Variants in GRHL1 observed in about 807,000 individuals in gnomAD.
The protein encoded by GRHL1 is grainyhead-like protein 1 homolog.
GRHL1 carries 38 observed loss-of-function variants against 75.7 expected under a neutral mutation model. The observed-to-expected ratio is 0.50, with a 90% CI of 0.39 to 0.66. The LOEUF (loss-of-function observed/expected upper bound fraction) is 0.66. Ranked by LOEUF, GRHL1 falls within the 30% of genes least tolerant of loss-of-function variation. The pLI, the probability that GRHL1 is intolerant of heterozygous loss-of-function variation, is 0.00. For synonymous variants in GRHL1, 266 were observed against 279.4 expected (o/e 0.95, Z 0.48); for missense variants, 589 against 767.5 (o/e 0.77, Z 2.75).
intron 12 of GRHL1, 47 bp from the exon 13 acceptor site, chr2:9,995,832 C>T (rs772449633): frequency 1.9e-6 from 2 of 1,053,780 alleles, no homozygotes; most frequent in South Asian, 2.6e-5. Context: ...AATGTTGATG[C>T]AGCTGGTTAA....
At chr2:9,988,720 G>T (rs778150366) in intron 9 of GRHL1, among the ~76,000 whole-genome samples, 1 of 152,136 alleles carries the variant, frequency 6.6e-6, no homozygotes, top group African/African-American at 2.4e-5. Flanking sequence ...AGGACTTGCC[G>T]CGGGTTCCTG....
chr2:9,955,094 A>T lies in GRHL1; in HGVS notation c.200A>T (p.Tyr67Phe). ...GCTGCGCTGGGCCTGCTCTATGACT[A>T]CTACAAGGTGGGTTTGCCTGCCTTT... Reference protein sequence around the residue: ...SAAALGLLYDYYKVPRERRSS... With the variant: ...SAAALGLLYDFYKVPRERRSS... The change falls in exon 2 of 16, where the codon TAC (tyrosine) becomes TTC (phenylalanine). Residue 67 changes from tyrosine (Y) to phenylalanine (F), a missense_variant. Coordinates refer to ENST00000324907, the MANE Select transcript of GRHL1 (RefSeq NM_198182.3). The T allele has an allele frequency of 6.2e-7, 1 of 1,609,648 alleles. No individual in the cohort carries two copies.
chr2:9,982,109 C>A (rs1668220648), intron 8 of GRHL1, among the ~76,000 whole-genome samples: 1 of 152,156 alleles, frequency 6.6e-6, no homozygotes, highest in South Asian at 2.1e-4. Context: ...TAACCTAGAT[C>A]TTTCTTTTGA....
At chr2:9,962,679 C>A (rs1667326792) in intron 5 of GRHL1, 148 bp downstream of exon 5, 1 of 597,010 alleles carries the variant, frequency 1.7e-6, no homozygotes, top group Admixed American at 3.1e-5. Flanking sequence ...TAGAGGACAT[C>A]TGCTTCAGTG....
chr2:9,969,090 G>A (rs150089321), intron 8 of GRHL1, among the ~76,000 whole-genome samples: 81 of 152,300 alleles, frequency 5.3e-4, no homozygotes, highest in African/African-American at 1.6e-3. Context: ...AATGGACTGC[G>A]CATCTTGGCC....
intron 14 of GRHL1, among the ~76,000 whole-genome samples, chr2:9,997,233 G>A (rs370436231): frequency 3.9e-5 from 6 of 152,194 alleles, no homozygotes; most frequent in African/African-American, 1.2e-4. Flanking sequence ...GCTGAATGGA[G>A]TTTATTTTGT....
chr2:9,965,935 G>A (rs1179532854), intron 8 of GRHL1: 4 of 152,184 alleles, frequency 2.6e-5, no homozygotes, highest in East Asian at 1.9e-4. Context: ...CCTTGTGGGC[G>A]ACTCTAATGG....
At chr2:9,977,328 AT>A (rs1023667034) in intron 8 of GRHL1, among the ~76,000 whole-genome samples, 6 of 150,786 alleles carry the variant, frequency 4.0e-5, no homozygotes, top group African/African-American at 1.2e-4. Flanking sequence ...ACTGGAAGAA[AT>A]TTTTTTTTTC....
intron 7 of GRHL1, chr2:9,964,749 C>A: frequency 5.7e-6 from 1 of 175,448 alleles, no homozygotes; most frequent in Non-Finnish European, 1.2e-5. Context: ...GCCTAACAGT[C>A]TTCCCTAGTC....
chr2:9,964,243 C>T lies in GRHL1; in HGVS notation c.912C>T (p.Ile304=), dbSNP rs761844127. ...TGCATTCTCTTTCACAGAGTGTGAT[C>T]ATGGTGGTTTTTGCTGAAGACAAAA... ...HHPISKVRSV[I]MVVFAEDKSR... is the part of the protein sequence containing the mutation. The change falls in exon 7 of 16, where the codon ATC becomes ATT. Residue 304 remains isoleucine, a synonymous_variant. Coordinates refer to ENST00000324907, the MANE Select transcript of GRHL1 (RefSeq NM_198182.3). The T allele has an allele frequency of 1.9e-6, 3 of 1,598,008 alleles. No individual in the cohort carries two copies. The South Asian group carries it at 3.3e-5, about 18-fold the overall frequency.
chr2:9,984,910 AT>A (rs1174114371), intron 8 of GRHL1, among the ~76,000 whole-genome samples: 1 of 151,382 alleles, frequency 6.6e-6, no homozygotes, highest in East Asian at 1.9e-4. Context: ...AAAAAAAAAA[AT>A]ACAAAAATTA....
intron 1 of GRHL1, 30 bp from the exon 2 acceptor site, chr2:9,954,885 G>GT: frequency 3.2e-6 from 5 of 1,579,290 alleles, no homozygotes; most frequent in Non-Finnish European, 4.3e-6. Context: ...AAAAGTGTGT[G>GT]TTTTTGTTTT....
chr2:9,961,496 A>G lies in GRHL1; in HGVS notation c.669+60A>G. ...CGTGTTTGTATAAGTATTGGGTTCC[A>G]CCTTTTCCTTGTTATGTAAGCATGA... On this transcript the variant is annotated intron_variant, in intron 4 of 15. Transcript: ENST00000324907. The G allele has an allele frequency of 1.4e-6, 2 of 1,452,960 alleles. 1 individual carries two copies. Among genetic ancestry groups the G allele is most frequent in the South Asian group, 2.7e-5 (2 of 73,050 alleles). 90.0% of individuals were successfully genotyped at this position (1,452,960 alleles called of 1,614,324 possible).
intron 8 of GRHL1, among the ~76,000 whole-genome samples, chr2:9,984,150 A>G (rs2125234209): frequency 6.6e-6 from 1 of 151,628 alleles, no homozygotes. Flanking sequence ...CAACAAGAGC[A>G]AAACTTCATC....
At chr2:9,970,608 T>C (rs1667685831) in intron 8 of GRHL1, among the ~76,000 whole-genome samples, 1 of 152,194 alleles carries the variant, frequency 6.6e-6, no homozygotes, top group Non-Finnish European at 1.5e-5. Flanking sequence ...TTTTGTCTCT[T>C]CCCAGTTCAG....
At chr2:9,996,456 G>C (rs970124082) in intron 14 of GRHL1, 55 bp downstream of exon 14, 3 of 1,117,556 alleles carry the variant, frequency 2.7e-6, no homozygotes, top group Non-Finnish European at 4.1e-6. Flanking sequence ...CAAGTACATA[G>C]GATTTCATTG....
chr2:9,985,485 AAAT>A (rs1164620899), intron 8 of GRHL1, among the ~76,000 whole-genome samples: 5 of 152,250 alleles, frequency 3.3e-5, no homozygotes, highest in African/African-American at 7.2e-5. Context: ...AGGAGTATGG[AAAT>A]AATTGTAAAT....
intron 9 of GRHL1, among the ~76,000 whole-genome samples, chr2:9,986,542 C>T (rs370791053): frequency 1.1e-4 from 16 of 151,786 alleles, no homozygotes; most frequent in African/African-American, 3.6e-4. Flanking sequence ...CCAGCCTTCC[C>T]AGTAGCTGGG....
intron 1 of GRHL1, among the ~76,000 whole-genome samples, chr2:9,954,455 T>G (rs1051104474): frequency 6.6e-6 from 1 of 152,202 alleles, no homozygotes; most frequent in African/African-American, 2.4e-5. Context: ...GTAGGAATTT[T>G]TAAGGCATGG....
Sources: allele counts gnomAD v4.1 joint callset (sites outside exome capture counted in the v4.1 genomes callset), GRCh38; gene constraint gnomAD v4.1.1; transcripts MANE v1.5; gene names NCBI Gene and HGNC (gene_info 2026-07-23, HGNC 2026-07-21).